Variants in COBLL1 observed in about 807,000 individuals in gnomAD.
COBLL1 encodes the protein cordon-bleu WH2 repeat protein like 1, also known as cordon-bleu protein-like 1.
Under a neutral mutation model 94.8 loss-of-function variants are expected in COBLL1, and 50 were observed. The ratio of observed to expected loss-of-function variants is 0.53; its 90% CI spans 0.42 to 0.67. The LOEUF (loss-of-function observed/expected upper bound fraction) is 0.67, where lower values mean the gene tolerates loss of function less well. COBLL1 is among the 30% of genes least tolerant of loss of function. The pLI, the probability that COBLL1 is intolerant of heterozygous loss-of-function variation, is 0.00. For synonymous variants in COBLL1, 448 were observed against 473.8 expected (o/e 0.95, Z 0.71); for missense variants, 1,362 against 1,348.7 (o/e 1.01, Z -0.15).
Position 164,814,249 on chromosome 2 carries a change from C to T in COBLL1, c.41+26907G>A, listed in dbSNP as rs532014165. ...AATCGGGACAAAGATAGTAGTATCT[C>T]TCACACACAGACATAAGGATAAAAT... On this transcript the variant is annotated intron_variant, in intron 2 of 13. Coordinates refer to ENST00000652658, the MANE Select transcript of COBLL1 (RefSeq NM_001365672.2). 2.0e-5 allele frequency among the ~76,000 whole-genome samples: 3 copies of T among 152,282 alleles called. No homozygotes were observed. In the East Asian group the frequency reaches 5.8e-4, roughly 29 times the overall value.
chr2:164,828,034 A>C (rs1412305602), intron 2 of COBLL1, among the ~76,000 whole-genome samples: 1 of 152,178 alleles, frequency 6.6e-6, no homozygotes, highest in African/African-American at 2.4e-5. Context: ...GAGAGGTATA[A>C]AATAGTAATT....
intron 2 of COBLL1, among the ~76,000 whole-genome samples, chr2:164,663,094 T>C (rs1270843729): frequency 2.6e-5 from 4 of 152,190 alleles, no homozygotes; most frequent in African/African-American, 2.4e-5. Context: ...AGTCAATATG[T>C]AAAAACTTCT....
In COBLL1 at chr2:164,683,624, CTT is replaced by C. The variant is rs1160923277; in HGVS notation, c.*2320_*2321del. 2 of 152,130 alleles carry C rather than the reference CTT, an allele frequency of 1.3e-5. No individual in the cohort carries two copies. The highest frequency in any genetic ancestry group is 4.8e-5 in the African/African-American group (2 of 41,434). The allele number at this position is 152,130 out of a possible 1,614,324, so 9.4% of individuals were successfully genotyped here. A position where few individuals can be genotyped will look rare whatever the true frequency, so the allele number is the denominator to read the frequency against. On this transcript the variant is annotated 3_prime_UTR_variant, in exon 14 of 14. Transcript: ENST00000652658. ...TGCCTCTTATAAATCTCAATTCAGT[CTT>C]TCTTGGTTCCCACAGGTAACCACCA... is the stretch of plus-strand genomic sequence containing the variant.
chr2:164,791,485 GAC>G (rs1683186937), intron 2 of COBLL1, among the ~76,000 whole-genome samples: 2 of 151,910 alleles, frequency 1.3e-5, no homozygotes, highest in Non-Finnish European at 2.9e-5. Flanking sequence ...TAGATAGACA[GAC>G]AGACAGACAG....
chr2:164,772,675 T>C (rs542158673), intron 2 of COBLL1, among the ~76,000 whole-genome samples: 1 of 152,120 alleles, frequency 6.6e-6, no homozygotes, highest in South Asian at 2.1e-4. Context: ...CCATTTGGAG[T>C]TTCAATTAAA....
intron 10 of COBLL1, 67 bp from the exon 11 acceptor site, chr2:164,699,566 G>T (rs917274651): frequency 2.5e-6 from 2 of 795,606 alleles, no homozygotes; most frequent in South Asian, 1.5e-5. Context: ...CACACACACA[G>T]ACACACACAC....
chr2:164,717,915 TGTACA>T (rs1685255658), intron 7 of COBLL1, among the ~76,000 whole-genome samples: 1 of 152,220 alleles, frequency 6.6e-6, no homozygotes, highest in South Asian at 2.1e-4. Flanking sequence ...CATTATGCAA[TGTACA>T]GTATAGTTTA....
chr2:164,792,723 A>C lies in COBLL1; in HGVS notation c.41+48433T>G, dbSNP rs569709035. ...AAAGACATAATTGTCCCTTTCAAGT[A>C]TTTATAACATCAATTTTGTATGTAT... On this transcript the variant is annotated intron_variant, in intron 2 of 13. Transcript: ENST00000652658. Among the ~76,000 whole-genome samples the C allele has an allele frequency of 1.3e-4, 20 of 152,298 alleles. 2 individuals are homozygous for C. In the South Asian group the frequency reaches 4.2e-3, roughly 32 times the overall value.
At chr2:164,761,103 G>C (rs907822744) in intron 2 of COBLL1, among the ~76,000 whole-genome samples, 4 of 152,052 alleles carry the variant, frequency 2.6e-5, no homozygotes, top group African/African-American at 9.7e-5. Flanking sequence ...TGATGTTATG[G>C]ATCTATTTAA....
chr2:164,752,456 G>A (rs978475013), intron 2 of COBLL1, among the ~76,000 whole-genome samples: 2 of 151,434 alleles, frequency 1.3e-5, no homozygotes, highest in African/African-American at 4.9e-5. Context: ...GCAAAAGCCA[G>A]GTAGTGAAGG....
At chr2:164,800,474 C>T in intron 2 of COBLL1, 2 of 678,490 alleles carry the variant, frequency 2.9e-6, no homozygotes. Flanking sequence ...TGGTGGAATG[C>T]AAAATGGTAC....
At chr2:164,758,698 G>C (rs1188438711) in intron 2 of COBLL1, among the ~76,000 whole-genome samples, 2 of 151,956 alleles carry the variant, frequency 1.3e-5, no homozygotes, top group African/African-American at 2.4e-5. Flanking sequence ...AATATGAGAA[G>C]AGAGAACTAT....
intron 3 of COBLL1, among the ~76,000 whole-genome samples, chr2:164,737,891 G>C (rs1480025358): frequency 1.3e-5 from 2 of 152,116 alleles, no homozygotes; most frequent in African/African-American, 4.8e-5. Context: ...CTGTAAACTG[G>C]TGCTATGGGA....
chr2:164,743,567 C>G, intron 3 of COBLL1, 120 bp downstream of exon 3: 1 of 817,750 alleles, frequency 1.2e-6, no homozygotes, highest in Non-Finnish European at 2.0e-6. Context: ...TAACAGGTAA[C>G]TAAACTGAGT....
At chr2:164,678,798 G>A (rs1405412096), downstream of COBLL1, among the ~76,000 whole-genome samples, 1 of 152,136 alleles carries the variant, frequency 6.6e-6, no homozygotes, top group Non-Finnish European at 1.5e-5. Context: ...TTATGACCGT[G>A]TTTTATGAAC....
At chr2:164,714,392 AG>A (rs1468728900) in intron 7 of COBLL1, among the ~76,000 whole-genome samples, 1 of 146,876 alleles carries the variant, frequency 6.8e-6, no homozygotes, top group Non-Finnish European at 1.5e-5. Context: ...AAAAAAAACC[AG>A]GATGAACCAC....
intron 3 of COBLL1, among the ~76,000 whole-genome samples, chr2:164,740,685 C>G (rs1401026757): frequency 6.6e-6 from 1 of 151,978 alleles, no homozygotes. Context: ...ATTCTCATGG[C>G]TCTGTGGTTT....
At chr2:164,818,343 T>C (rs1221509030) in intron 2 of COBLL1, among the ~76,000 whole-genome samples, 1 of 150,372 alleles carries the variant, frequency 6.7e-6, no homozygotes, top group Non-Finnish European at 1.5e-5. Flanking sequence ...TATGTATATA[T>C]ACATATGTGC....
intron 2 of COBLL1, among the ~76,000 whole-genome samples, chr2:164,804,244 G>T (rs1683973850): frequency 6.6e-6 from 1 of 152,036 alleles, no homozygotes. Flanking sequence ...AAAACCAGCT[G>T]GGAAACTGCT....
Sources: allele counts gnomAD v4.1 joint callset (sites outside exome capture counted in the v4.1 genomes callset), GRCh38; gene constraint gnomAD v4.1.1; transcripts MANE v1.5; gene names NCBI Gene and HGNC (gene_info 2026-07-23, HGNC 2026-07-21).